SNX29: variants seen among roughly 807,000 people sequenced by gnomAD.
SNX29 encodes the protein sorting nexin-29.
In SNX29, 78 loss-of-function variants were observed where a neutral mutation model predicts 102.1. That is an observed-to-expected ratio of 0.76 (90% CI 0.64 to 0.92). The LOEUF (loss-of-function observed/expected upper bound fraction) is 0.92. Ranked by LOEUF, SNX29 falls within the 40% of genes least tolerant of loss-of-function variation. The pLI is 0.00. For synonymous variants in SNX29, 580 were observed against 414.5 expected (o/e 1.40, Z -4.85); for missense variants, 1,280 against 1,061.7 (o/e 1.21, Z -2.86).
rs80182892 is a variant in SNX29, at chr16:12,344,898, C to T, written c.1783-11265C>T. 1.7e-3 allele frequency among the ~76,000 whole-genome samples: 262 copies of T among 152,362 alleles called. 2 individuals carry two copies. Among genetic ancestry groups the T allele is most frequent in the African/African-American group, 6.1e-3 (253 of 41,584 alleles). On this transcript the variant is annotated intron_variant, in intron 15 of 20. Transcript: ENST00000566228. Reference sequence around the variant, plus strand: ...CTTTTGAAAGGAGAGGCCAGCAGAGCCTTTTTAAAGTAATTCCGGCCCCAT... The same window carrying T: ...CTTTTGAAAGGAGAGGCCAGCAGAGTCTTTTTAAAGTAATTCCGGCCCCAT...
chr16:12,040,223 T>G (rs1157136673), intron 4 of SNX29, among the ~76,000 whole-genome samples: 2 of 151,782 alleles, frequency 1.3e-5, no homozygotes, highest in African/African-American at 4.8e-5. Context: ...AAATAAAAAT[T>G]AAAAAGTTAG....
intron 9 of SNX29, among the ~76,000 whole-genome samples, chr16:12,066,393 C>T (rs1478624068): frequency 5.3e-5 from 8 of 152,132 alleles, no homozygotes; most frequent in East Asian, 1.9e-4. Flanking sequence ...GGGTGGGTGC[C>T]GTGCTCTTGT....
At chr16:12,086,673 T>G (rs2052209882) in intron 11 of SNX29, 1 of 152,088 alleles carries the variant, frequency 6.6e-6, no homozygotes, top group Non-Finnish European at 1.5e-5. Flanking sequence ...CCTCAGCCTC[T>G]CAAAGTGCGG....
intron 16 of SNX29, among the ~76,000 whole-genome samples, chr16:12,361,475 T>C (rs943221249): frequency 3.3e-5 from 5 of 152,260 alleles, no homozygotes; most frequent in Non-Finnish European, 7.3e-5. Flanking sequence ...TATTTATTAA[T>C]TGATATCAGT....
intron 16 of SNX29, among the ~76,000 whole-genome samples, chr16:12,390,723 G>A (rs2083500354): frequency 6.6e-6 from 1 of 151,938 alleles, no homozygotes; most frequent in South Asian, 2.1e-4. Context: ...GTTCTTGCAG[G>A]ATCCTATTGG....
At chr16:12,344,672 C>T (rs1224074172) in intron 15 of SNX29, among the ~76,000 whole-genome samples, 1 of 152,224 alleles carries the variant, frequency 6.6e-6, no homozygotes, top group Non-Finnish European at 1.5e-5. Flanking sequence ...CCAATACATG[C>T]TCAGTAAATG....
Position 12,398,447 on chromosome 16 carries a change from T to A in SNX29, c.1901T>A (p.Val634Glu), listed in dbSNP as rs1231516868. The part of the protein sequence containing the change: ...RQELIDLRGP[V>E]PGDLSQTSED... Reference sequence around the variant, plus strand: ...CTCTCCCCCTTCTCCTGATGGTAGGTGCCTGGAGATTTGAGTCAAACGTCC... The same window carrying A: ...CTCTCCCCCTTCTCCTGATGGTAGGAGCCTGGAGATTTGAGTCAAACGTCC... Residue 634 changes from valine to glutamate, a missense_variant and splice_region_variant, in exon 17 of 21, where the codon GTG becomes GAG. Coordinates refer to ENST00000566228, the MANE Select transcript of SNX29 (RefSeq NM_032167.5). 6.2e-7 allele frequency: 1 copy of A among 1,614,004 alleles called. No individual in the cohort carries two copies. Among genetic ancestry groups the A allele is most frequent in the East Asian group, 2.2e-5 (1 of 44,882 alleles).
At chr16:12,221,220 T>G (rs2077468034) in intron 14 of SNX29, among the ~76,000 whole-genome samples, 2 of 147,714 alleles carry the variant, frequency 1.4e-5, no homozygotes, top group Admixed American at 6.8e-5. Flanking sequence ...GCAGGCTGAG[T>G]GGGGAGGGGA....
intron 17 of SNX29, among the ~76,000 whole-genome samples, chr16:12,400,869 T>C (rs2083912368): frequency 6.6e-6 from 1 of 152,172 alleles, no homozygotes; most frequent in Admixed American, 6.5e-5. Flanking sequence ...GTCACCCAGG[T>C]TGGAGTGCAG....
chr16:12,409,708 TA>T (rs969710480), intron 18 of SNX29, among the ~76,000 whole-genome samples: 2 of 152,166 alleles, frequency 1.3e-5, no homozygotes, highest in Non-Finnish European at 2.9e-5. Flanking sequence ...TGTTAGGCCT[TA>T]AAAAAGCTCA....
intron 11 of SNX29, among the ~76,000 whole-genome samples, chr16:12,121,229 G>A (rs981627895): frequency 6.6e-6 from 1 of 152,214 alleles, no homozygotes; most frequent in African/African-American, 2.4e-5. Flanking sequence ...GGGACAGTGT[G>A]CTTTCGTGGA....
At chr16:12,213,828 A>T (rs560089761) in intron 14 of SNX29, among the ~76,000 whole-genome samples, 89 of 152,286 alleles carry the variant, frequency 5.8e-4, no homozygotes, top group African/African-American at 2.0e-3. Context: ...CCCAAATTGC[A>T]AGGTGGGCTG....
At chr16:12,001,356 GC>G (rs1231464871) in intron 2 of SNX29, among the ~76,000 whole-genome samples, 3 of 152,102 alleles carry the variant, frequency 2.0e-5, no homozygotes, top group African/African-American at 7.2e-5. Flanking sequence ...CGGGTGATCC[GC>G]CCAACTCGGC....
chr16:12,289,391 T>A (rs1236533753), intron 15 of SNX29, among the ~76,000 whole-genome samples: 1 of 152,220 alleles, frequency 6.6e-6, no homozygotes, highest in African/African-American at 2.4e-5. Context: ...TGTGCCTCTG[T>A]GCAGGCATGC....
Position 12,572,072 on chromosome 16 carries a change from C to G in SNX29, c.*3443C>G, listed in dbSNP as rs746591251. ...AAACAAGGGAACCATCTTGCAAGAT[C>G]TAGGAAGAGGAAGGGGAGGGATGTG... On this transcript the variant is annotated 3_prime_UTR_variant, in exon 21 of 21. Coordinates refer to ENST00000566228, the MANE Select transcript of SNX29 (RefSeq NM_032167.5). 6.6e-6 allele frequency: 7 copies of G among 1,063,484 alleles called. No homozygotes were observed. Among genetic ancestry groups the G allele is most frequent in the Non-Finnish European group, 8.0e-6 (7 of 878,164 alleles). 65.9% of individuals were successfully genotyped at this position (1,063,484 alleles called of 1,614,324 possible). A position where few individuals can be genotyped will look rare whatever the true frequency, so the allele number is the denominator to read the frequency against.
intron 19 of SNX29, among the ~76,000 whole-genome samples, chr16:12,523,740 A>AGG (rs767792640): frequency 2.0e-5 from 3 of 152,116 alleles, no homozygotes; most frequent in Non-Finnish European, 2.9e-5. Context: ...AGGATGAGTG[A>AGG]GGGGGTTCTG....
intron 18 of SNX29, among the ~76,000 whole-genome samples, chr16:12,470,044 G>A (rs1159409944): frequency 3.3e-5 from 5 of 152,148 alleles, no homozygotes; most frequent in East Asian, 3.9e-4. Context: ...TAAATAAATC[G>A]CAGGGCTTTT....
chr16:12,165,176 G>A (rs1396194509), intron 13 of SNX29, among the ~76,000 whole-genome samples: 1 of 152,230 alleles, frequency 6.6e-6, no homozygotes, highest in Admixed American at 6.5e-5. Flanking sequence ...ATGGAAGTGA[G>A]TATAAATCGA....
At chr16:12,031,894 C>CAGTGTAAG in intron 4 of SNX29, among the ~76,000 whole-genome samples, 1 of 152,264 alleles carries the variant, frequency 6.6e-6, no homozygotes, top group Non-Finnish European at 1.5e-5. Flanking sequence ...GTGTACAATT[C>CAGTGTAAG]AGTGTAAGTG....
Sources: gnomAD v4.1 joint callset for allele counts (sites outside exome capture counted in the v4.1 genomes callset) on GRCh38, gnomAD v4.1.1 for gene constraint, MANE v1.5 for transcripts, NCBI Gene and HGNC (gene_info 2026-07-23, HGNC 2026-07-21) for gene names.